SAMD5: variants seen among roughly 807,000 people sequenced by gnomAD.
SAMD5 encodes sterile alpha motif domain-containing protein 5.
SAMD5 carries 13 observed loss-of-function variants against 11.3 expected under a neutral mutation model. That is an observed-to-expected ratio of 1.15 (90% CI 0.75 to 1.83). SAMD5 has a LOEUF of 1.83. SAMD5 is among the 40% of genes most tolerant of loss of function. The probability of loss-of-function intolerance (pLI) is 0.00; values close to 1 mark genes in which losing one functional copy is unlikely to be tolerated. For synonymous variants in SAMD5, 129 were observed against 111.3 expected, an observed-to-expected ratio of 1.16 and a Z score of -1.00; for missense variants, 255 against 239.1, an observed-to-expected ratio of 1.07 and a Z score of -0.44.
In SAMD5 at chr6:147,537,630, T is replaced by C. The variant is rs571109733; in HGVS notation, c.460-26764T>C. 2.6e-3 allele frequency among the ~76,000 whole-genome samples: 388 copies of C among 152,048 alleles called. 2 individuals are homozygous for C. The highest frequency in any genetic ancestry group is 9.1e-3 in the African/African-American group (376 of 41,502). On this transcript the variant is annotated intron_variant, in intron 1 of 1. Transcript: ENST00000367474. ...ATTAGCGGGCGTGGTGGCGGGCACC[T>C]GTAGTCCCAGCTACTCGGGAGGCTG...
chr6:147,734,651 T>TGCA (rs1791765722), intron 1 of SAMD5, among the ~76,000 whole-genome samples: 1 of 134,140 alleles, frequency 7.5e-6, no homozygotes, highest in South Asian at 2.4e-4. Context: ...AGGTGGAGCT[T>TGCA]GCAGTCAGCC....
At chr6:147,771,620 A>G in the SAMD5 span, among the ~76,000 whole-genome samples, 3 of 152,178 alleles carry the variant, frequency 2.0e-5, no homozygotes, top group Non-Finnish European at 4.4e-5. Flanking sequence ...TATCTCCAGT[A>G]TAACATGGTG....
At chr6:147,747,548 T>A in the SAMD5 span, among the ~76,000 whole-genome samples, 1 of 152,212 alleles carries the variant, frequency 6.6e-6, no homozygotes, top group Non-Finnish European at 1.5e-5. Flanking sequence ...GGGGTCTCTA[T>A]CACTGAGGCT....
At chr6:147,850,315 A>T in the SAMD5 span, among the ~76,000 whole-genome samples, 8 of 152,196 alleles carry the variant, frequency 5.3e-5, no homozygotes, top group Non-Finnish European at 8.8e-5. Flanking sequence ...TGATAAAGTT[A>T]GAAAATCTAG....
At chr6:147,923,446 G>A in the SAMD5 span, among the ~76,000 whole-genome samples, 5 of 152,174 alleles carry the variant, frequency 3.3e-5, no homozygotes, top group Non-Finnish European at 5.9e-5. Context: ...ATGAGAATGT[G>A]CCAAGGTCCT....
intron 1 of SAMD5, among the ~76,000 whole-genome samples, chr6:147,533,336 C>A (rs888422544): frequency 6.6e-5 from 10 of 151,710 alleles, no homozygotes; most frequent in Admixed American, 6.6e-5. Context: ...GTGGCTCCTG[C>A]CTGTAATTTC....
Position 147,568,427 on chromosome 6 carries a change from A to G in SAMD5, c.*3971A>G. The G allele has an allele frequency of 1.0e-6, 1 of 985,184 alleles. No homozygotes were observed. The highest frequency in any genetic ancestry group is 1.2e-6 in the Non-Finnish European group (1 of 829,696). 61.0% of individuals were successfully genotyped at this position (985,184 alleles called of 1,614,324 possible). On this transcript the variant is annotated 3_prime_UTR_variant, in exon 2 of 2. Transcript: ENST00000367474. Reference sequence around the variant, plus strand: ...TATAGATTCTTACAAGTAATATTTGATTAGGTATCAAAATAGGTTTAGGCA... The same window carrying G: ...TATAGATTCTTACAAGTAATATTTGGTTAGGTATCAAAATAGGTTTAGGCA...
chr6:147,876,772 T>G, the SAMD5 span, among the ~76,000 whole-genome samples: 1 of 152,188 alleles, frequency 6.6e-6, no homozygotes, highest in African/African-American at 2.4e-5. Context: ...TTCACTTATT[T>G]CTGCTACTAC....
intron 1 of SAMD5, among the ~76,000 whole-genome samples, chr6:147,562,022 C>G (rs1788958697): frequency 6.6e-6 from 1 of 152,126 alleles, no homozygotes; most frequent in Non-Finnish European, 1.5e-5. Flanking sequence ...TAGCAGATTG[C>G]AAGGCTGGAC....
the SAMD5 span, among the ~76,000 whole-genome samples, chr6:147,892,359 A>G: frequency 2.6e-5 from 4 of 152,108 alleles, no homozygotes; most frequent in Admixed American, 2.6e-4. Context: ...GATATTATTC[A>G]CTGATTGTGA....
the SAMD5 span, among the ~76,000 whole-genome samples, chr6:147,920,429 C>T: frequency 6.6e-6 from 1 of 152,108 alleles, no homozygotes. Context: ...GTCAGCTTCC[C>T]TACTTTTGAG....
the SAMD5 span, among the ~76,000 whole-genome samples, chr6:147,934,067 C>T: frequency 1.3e-5 from 2 of 152,192 alleles, no homozygotes; most frequent in African/African-American, 2.4e-5. Context: ...ATAATTCCCC[C>T]ACCCACTCCG....
At chr6:147,580,560 C>T (rs960507679) in intron 1 of SAMD5, among the ~76,000 whole-genome samples, 59 of 152,234 alleles carry the variant, frequency 3.9e-4, no homozygotes, top group Non-Finnish European at 7.5e-4. Flanking sequence ...ACTGGGGTAG[C>T]CCCTAGCTAG....
chr6:147,944,010 C>T, the SAMD5 span, among the ~76,000 whole-genome samples: 1 of 152,134 alleles, frequency 6.6e-6, no homozygotes, highest in Admixed American at 6.5e-5. Context: ...AGCCCAGATC[C>T]ACATGGGGAT....
At chr6:147,559,902 C>A (rs1271880072) in intron 1 of SAMD5, among the ~76,000 whole-genome samples, 1 of 152,110 alleles carries the variant, frequency 6.6e-6, no homozygotes. Context: ...CCAGCCTGAG[C>A]CTTCCCCATT....
chr6:147,904,016 G>A, the SAMD5 span, among the ~76,000 whole-genome samples: 1 of 152,038 alleles, frequency 6.6e-6, no homozygotes, highest in African/African-American at 2.4e-5. Context: ...TGTCTATGAA[G>A]CAGACTGTAC....
the SAMD5 span, among the ~76,000 whole-genome samples, chr6:147,858,441 T>C: frequency 7.3e-4 from 111 of 152,210 alleles, 1 homozygote; most frequent in Non-Finnish European, 5.0e-4. Flanking sequence ...TTTATTGTAT[T>C]AGTTTAGGGC....
intron 1 of SAMD5, among the ~76,000 whole-genome samples, chr6:147,511,212 G>A (rs1583062264): frequency 6.6e-6 from 1 of 152,216 alleles, no homozygotes; most frequent in African/African-American, 2.4e-5. Flanking sequence ...AGAAGCGTAA[G>A]CTTGAAGTGA....
the SAMD5 span, among the ~76,000 whole-genome samples, chr6:147,906,178 T>C: frequency 6.6e-6 from 1 of 152,208 alleles, no homozygotes; most frequent in East Asian, 1.9e-4. Context: ...ACCATAGATA[T>C]TTTTACTTGA....
Sources: allele counts gnomAD v4.1 joint callset (sites outside exome capture counted in the v4.1 genomes callset), GRCh38; gene constraint gnomAD v4.1.1; transcripts MANE v1.5; gene names NCBI Gene and HGNC (gene_info 2026-07-23, HGNC 2026-07-21).